FAM120A: variants seen among roughly 807,000 people sequenced by gnomAD.
The protein encoded by FAM120A is family with sequence similarity 120 member A.
Under a neutral mutation model 109.7 loss-of-function variants are expected in FAM120A, and 15 were observed. The ratio of observed to expected loss-of-function variants is 0.14; its 90% CI spans 0.09 to 0.21. The LOEUF is 0.21. Ranked by LOEUF, FAM120A falls within the 10% of genes least tolerant of loss-of-function variation. The pLI is 1.00. For synonymous variants in FAM120A, 493 were observed against 572.8 expected (o/e 0.86, Z 1.99); for missense variants, 899 against 1,439.3 (o/e 0.62, Z 6.07).
At chr9:93,483,700 G>T (rs1858918811) in intron 3 of FAM120A, among the ~76,000 whole-genome samples, 1 of 151,990 alleles carries the variant, frequency 6.6e-6, no homozygotes, top group African/African-American at 2.4e-5. Flanking sequence ...TCTTGCTAGT[G>T]GTGCTCATCA....
At chr9:93,496,922 C>T (rs1271764960) in intron 3 of FAM120A, among the ~76,000 whole-genome samples, 1 of 152,198 alleles carries the variant, frequency 6.6e-6, no homozygotes, top group East Asian at 1.9e-4. Context: ...CCTCAACAGG[C>T]AGTGATACCA....
At chr9:93,548,548 T>G (rs1222725177) in intron 11 of FAM120A, among the ~76,000 whole-genome samples, 1 of 152,236 alleles carries the variant, frequency 6.6e-6, no homozygotes, top group Non-Finnish European at 1.5e-5. Flanking sequence ...GCCACTGAAC[T>G]GTACACTTAA....
chr9:93,553,625 T>C (rs1035967318), intron 12 of FAM120A, among the ~76,000 whole-genome samples: 12 of 152,208 alleles, frequency 7.9e-5, no homozygotes, highest in African/African-American at 1.9e-4. Flanking sequence ...TTGGATGATA[T>C]TGAATATTTT....
chr9:93,487,265 A>C (rs560586468), intron 3 of FAM120A, among the ~76,000 whole-genome samples: 1 of 152,092 alleles, frequency 6.6e-6, no homozygotes, highest in Non-Finnish European at 1.5e-5. Flanking sequence ...AGGTTCAAGC[A>C]ATTCTTCTGC....
At position 93,477,881 on chromosome 9, in the gene FAM120A, T is replaced by C. The variant is rs1858614676; in HGVS notation, c.804+1543T>C. On this transcript the variant is annotated intron_variant, in intron 3 of 17. Coordinates refer to ENST00000277165, the MANE Select transcript of FAM120A (RefSeq NM_014612.5). The stretch of plus-strand genomic sequence containing the variant: ...ATATGTGTGTTTTTCCTAAATTTTG[T>C]TGAGAAAATCTTTAAGTATTGAAAT... Among the ~76,000 whole-genome samples, 2 of 152,248 alleles carry C rather than the reference T, an allele frequency of 1.3e-5. 1 individual carries two copies. Among genetic ancestry groups the C allele is most frequent in the South Asian group, 4.1e-4 (2 of 4,834 alleles).
chr9:93,532,898 T>TG lies in FAM120A; in HGVS notation c.1909+575dup, dbSNP rs966612561. ...ACTTCCAGCTGATCAACTCTGGGAG[T>TG]GGGGGGTGCAGGTGGAAACACTGAA... On this transcript the variant is annotated intron_variant, in intron 10 of 17. Coordinates refer to ENST00000277165, the MANE Select transcript of FAM120A (RefSeq NM_014612.5). The surrounding 1 kb of genome is among the most constrained non-coding windows in gnomAD (Gnocchi z 4.3). Among the ~76,000 whole-genome samples the TG allele has an allele frequency of 1.3e-5, 2 of 151,856 alleles. No homozygotes were observed. The highest frequency in any genetic ancestry group is 2.9e-5 in the Non-Finnish European group (2 of 67,950).
intron 2 of FAM120A, among the ~76,000 whole-genome samples, chr9:93,475,029 G>GT (rs1225458743): frequency 2.0e-5 from 3 of 152,184 alleles, no homozygotes. Context: ...TGGCTTGTGT[G>GT]TTTGTGTGTT....
chr9:93,511,181 G>A (rs1339190751), intron 5 of FAM120A, among the ~76,000 whole-genome samples: 1 of 152,120 alleles, frequency 6.6e-6, no homozygotes, highest in Non-Finnish European at 1.5e-5. Context: ...CCTGTTCACT[G>A]AGTTCATAAT....
In FAM120A at chr9:93,500,834, C is replaced by T. The variant is rs1859769596; in HGVS notation, c.1030+1948C>T. Among the ~76,000 whole-genome samples, 1 of 152,182 alleles carries T rather than the reference C, an allele frequency of 6.6e-6. No homozygotes were observed. Among genetic ancestry groups the T allele is most frequent in the South Asian group, 2.1e-4 (1 of 4,828 alleles). On this transcript the variant is annotated intron_variant, in intron 5 of 17. Transcript: ENST00000277165. The surrounding 1 kb of genome is among the most constrained non-coding windows in gnomAD (Gnocchi z 4.6). ...AATTGCTTGTGGGAATGATGGGGAG[C>T]ATGAACATTGCCACCTGTGGCCTAC...
intron 5 of FAM120A, among the ~76,000 whole-genome samples, chr9:93,507,319 G>C (rs1860105777): frequency 1.3e-5 from 2 of 152,212 alleles, no homozygotes; most frequent in South Asian, 4.1e-4. Flanking sequence ...GAATTCGGGG[G>C]AAATGGCTCC....
chr9:93,535,369 A>G (rs1861478690), intron 10 of FAM120A, among the ~76,000 whole-genome samples: 2 of 152,230 alleles, frequency 1.3e-5, no homozygotes, highest in South Asian at 4.1e-4. Context: ...TTGGATAGCG[A>G]TGTATGGACT....
intron 7 of FAM120A, among the ~76,000 whole-genome samples, chr9:93,519,954 T>C (rs883784): frequency 0.52 from 79,387 of 151,820 alleles, 21,064 homozygotes; most frequent in East Asian, 0.59. Context: ...TAACTCACTG[T>C]AGCCTCAAAC....
At chr9:93,453,339 C>G (rs1857374705) in intron 1 of FAM120A, 2 of 985,634 alleles carry the variant, frequency 2.0e-6, no homozygotes, top group African/African-American at 3.5e-5. Context: ...ACTTCAGGAC[C>G]CAGCAGTGAC....
At chr9:93,483,394 A>G (rs1858906986) in intron 3 of FAM120A, among the ~76,000 whole-genome samples, 1 of 151,938 alleles carries the variant, frequency 6.6e-6, no homozygotes, top group South Asian at 2.1e-4. Flanking sequence ...TTTTTTTTTA[A>G]ACATAGTCTA....
intron 5 of FAM120A, among the ~76,000 whole-genome samples, chr9:93,511,911 C>T (rs979511122): frequency 1.3e-5 from 2 of 152,218 alleles, no homozygotes; most frequent in Non-Finnish European, 2.9e-5. Context: ...TCAGCCTCTG[C>T]CTCCCGAGTA....
rs1859747166 is a variant in FAM120A at position 93,500,367 on chromosome 9, G to A, written c.1030+1481G>A. Among the ~76,000 whole-genome samples, 3 of 152,202 alleles carry A rather than the reference G, an allele frequency of 2.0e-5. No individual in the cohort carries two copies. The highest frequency in any genetic ancestry group is 4.4e-5 in the Non-Finnish European group (3 of 68,040). ...AGCTTCTGCCCTGGGCCTCTGGGCCGGCTTTTGTGCCTGGAGGGCTCCTTT... is the reference window on the plus strand; with the variant it reads ...AGCTTCTGCCCTGGGCCTCTGGGCCAGCTTTTGTGCCTGGAGGGCTCCTTT... On this transcript the variant is annotated intron_variant, in intron 5 of 17. Transcript: ENST00000277165. The surrounding 1 kb of genome is among the most constrained non-coding windows in gnomAD (Gnocchi z 4.6).
In FAM120A at chr9:93,500,465, GCTTTAAAT is replaced by G. The variant is rs1215178657; in HGVS notation, c.1030+1582_1030+1589del. Among the ~76,000 whole-genome samples the G allele has an allele frequency of 1.3e-5, 2 of 152,094 alleles. No homozygotes were observed. Among genetic ancestry groups the G allele is most frequent in the African/African-American group, 4.8e-5 (2 of 41,412 alleles). ...TGTCGTGTTCTCCAAGGTCTGCCTG[GCTTTAAAT>G]CTCTGCACACTCCTTGGCTTCTATT... On this transcript the variant is annotated intron_variant, in intron 5 of 17. Transcript: ENST00000277165. This position sits in a 1 kb window ranked among gnomAD's most constrained non-coding sequence, Gnocchi z 4.6.
chr9:93,541,269 G>A (rs1023400300), intron 10 of FAM120A, among the ~76,000 whole-genome samples: 5 of 152,118 alleles, frequency 3.3e-5, no homozygotes, highest in Admixed American at 2.6e-4. Flanking sequence ...TTCTCTTGGG[G>A]TGGAGCAGCC....
At position 93,564,352 on chromosome 9, in the gene FAM120A, G is replaced by A. The variant is rs369844257; in HGVS notation, c.3169G>A (p.Glu1057Lys). Reference protein sequence around the residue: ...GSLAENGVMAEEKPAPQMNGS... With the variant: ...GSLAENGVMAKEKPAPQMNGS... ...CCTGGCTGAAAACGGAGTGATGGCC[G>A]AGGAGAAGCCGGCTCCCCAGATGAA... The change falls in exon 18 of 18, where the codon GAG becomes AAG. Residue 1057 changes from glutamate (E) to lysine (K), a missense_variant. Physicochemically the swap from Glu to Lys is moderately conservative, Grantham distance 56. This residue lies in a region of FAM120A where 170 missense variants were observed against 205.0 expected (regional missense o/e 0.83). Coordinates refer to ENST00000277165, the MANE Select transcript of FAM120A (RefSeq NM_014612.5). 4.0e-5 allele frequency: 64 copies of A among 1,614,072 alleles called. No individual in the cohort carries two copies. Among genetic ancestry groups the A allele is most frequent in the Non-Finnish European group, 5.1e-5 (60 of 1,180,042 alleles).
Sources: allele counts gnomAD v4.1 joint callset (sites outside exome capture counted in the v4.1 genomes callset), GRCh38; gene constraint gnomAD v4.1.1; regional missense constraint gnomAD v4.1.1; non-coding constraint Gnocchi (gnomAD v3.1); transcripts MANE v1.5; gene names NCBI Gene and HGNC (gene_info 2026-07-23, HGNC 2026-07-21).